Variants in INSR observed in about 807,000 individuals in gnomAD.
INSR encodes the protein insulin receptor.
A neutral mutation model predicts 142.6 loss-of-function variants in INSR; 67 were observed. The ratio of observed to expected loss-of-function variants is 0.47; its 90% CI spans 0.39 to 0.58. INSR has a LOEUF of 0.58. Among genes scored for constraint, INSR ranks in the 20% least tolerant of loss-of-function variants. The pLI, the probability that INSR is intolerant of heterozygous loss-of-function variation, is 0.00. For synonymous variants in INSR, 756 were observed against 743.1 expected, an observed-to-expected ratio of 1.02 and a Z score of -0.28; for missense variants, 1,248 against 1,833.2, an observed-to-expected ratio of 0.68 and a Z score of 5.83.
chr19:7,232,606 C>T (rs1446582133), intron 2 of INSR, among the ~76,000 whole-genome samples: 3 of 152,036 alleles, frequency 2.0e-5, no homozygotes, highest in Admixed American at 6.6e-5. Context: ...GTCAGGAGAT[C>T]GAGACCATCC....
intron 2 of INSR, among the ~76,000 whole-genome samples, chr19:7,243,332 G>T (rs183963884): frequency 7.8e-6 from 1 of 127,896 alleles, no homozygotes; most frequent in South Asian, 2.7e-4. Flanking sequence ...TGCAACCTCC[G>T]CTTCCTGGGT....
At chr19:7,117,757 C>T (rs1288572504) in intron 21 of INSR, among the ~76,000 whole-genome samples, 4 of 152,060 alleles carry the variant, frequency 2.6e-5, no homozygotes, top group African/African-American at 9.7e-5. Context: ...CAGGTGTGCA[C>T]CACCATGCCT....
rs141774182 is a variant in INSR at position 7,233,219 on chromosome 19, C to G, written c.652+34126G>C. Among the ~76,000 whole-genome samples, 352 of 152,194 alleles carry G rather than the reference C, an allele frequency of 2.3e-3. 2 individuals carry two copies. The highest frequency in any genetic ancestry group is 7.9e-3 in the African/African-American group (330 of 41,530). ...ATGTTGGCCAGGCTGGTCTTGGACT[C>G]CTGACCTCAGGTGATCCACCCACCT... On this transcript the variant is annotated intron_variant, in intron 2 of 21. Coordinates refer to ENST00000302850, the MANE Select transcript of INSR (RefSeq NM_000208.4).
intron 2 of INSR, among the ~76,000 whole-genome samples, chr19:7,219,469 A>AGG (rs1975531799): frequency 1.3e-5 from 1 of 76,250 alleles, no homozygotes; most frequent in African/African-American, 4.7e-5. Flanking sequence ...AGAGAGAGAG[A>AGG]GAAAAGGGAG....
At chr19:7,286,243 A>G (rs1360645669) in intron 1 of INSR, among the ~76,000 whole-genome samples, 1 of 152,064 alleles carries the variant, frequency 6.6e-6, no homozygotes, top group Non-Finnish European at 1.5e-5. Flanking sequence ...TCGGCCTCCC[A>G]AAGTGCTGGG....
chr19:7,277,824 G>A (rs1216482378), intron 1 of INSR, among the ~76,000 whole-genome samples: 2 of 151,018 alleles, frequency 1.3e-5, no homozygotes, highest in South Asian at 4.2e-4. Context: ...GGACACGGTG[G>A]CTCACGCCTG....
chr19:7,140,995 T>C (rs559781823), intron 13 of INSR, among the ~76,000 whole-genome samples: 1 of 152,212 alleles, frequency 6.6e-6, no homozygotes. Context: ...GCACCTTGCA[T>C]GGTGTCTGGC....
At chr19:7,276,444 G>A (rs1404935013) in intron 1 of INSR, among the ~76,000 whole-genome samples, 1 of 136,234 alleles carries the variant, frequency 7.3e-6, no homozygotes, top group Non-Finnish European at 1.6e-5. Context: ...AGCCCGGCCA[G>A]TAACAGCATT....
At chr19:7,241,694 G>A (rs56058728) in intron 2 of INSR, among the ~76,000 whole-genome samples, 23,532 of 152,048 alleles carry the variant, frequency 0.15, 2,032 homozygotes, top group Non-Finnish European at 0.19. Flanking sequence ...GGCAGTATCC[G>A]GAGACATTTT....
At chr19:7,244,190 G>A (rs550262765) in intron 2 of INSR, among the ~76,000 whole-genome samples, 77 of 152,160 alleles carry the variant, frequency 5.1e-4, no homozygotes, top group African/African-American at 1.7e-3. Context: ...AGGAACCATC[G>A]TCACAAAAAT....
chr19:7,116,936 C>T lies in INSR; in HGVS notation c.*120G>A, dbSNP rs1005610361. On this transcript the variant is annotated 3_prime_UTR_variant, in exon 22 of 22. Coordinates refer to ENST00000302850, the MANE Select transcript of INSR (RefSeq NM_000208.4). ...TAAGATGAACAGAAATGTATAGGAACGATCTCTGAACTCCATTGGACATGG... is the reference window on the plus strand; with the variant it reads ...TAAGATGAACAGAAATGTATAGGAATGATCTCTGAACTCCATTGGACATGG... 13 of 836,682 alleles carry T rather than the reference C, an allele frequency of 1.6e-5. No homozygotes were observed. The highest frequency in any genetic ancestry group is 5.3e-5 in the Admixed American group (3 of 56,366). The allele number at this position is 836,682 out of a possible 1,614,324, so 51.8% of individuals were successfully genotyped here. A position where few individuals can be genotyped will look rare whatever the true frequency, so the allele number is the denominator to read the frequency against.
At chr19:7,229,027 A>T (rs1188452670) in intron 2 of INSR, among the ~76,000 whole-genome samples, 1 of 141,786 alleles carries the variant, frequency 7.1e-6, no homozygotes, top group African/African-American at 2.8e-5. Context: ...GGGTGGATGG[A>T]TGGATGAATG....
At chr19:7,154,690 G>A (rs532770473) in intron 9 of INSR, among the ~76,000 whole-genome samples, 53 of 151,788 alleles carry the variant, frequency 3.5e-4, no homozygotes, top group African/African-American at 1.2e-3. Flanking sequence ...TTGGGAGGCC[G>A]AGGCGGGCAG....
rs1429614725 is a variant in INSR at position 7,119,380 on chromosome 19, A to G, written c.3794+69T>C. 6.9e-6 allele frequency: 11 copies of G among 1,590,872 alleles called. No individual in the cohort carries two copies. Among genetic ancestry groups the G allele is most frequent in the Non-Finnish European group, 8.6e-6 (10 of 1,159,374 alleles). On this transcript the variant is annotated intron_variant, in intron 21 of 21. Coordinates refer to ENST00000302850, the MANE Select transcript of INSR (RefSeq NM_000208.4). This position sits in a 1 kb window ranked among gnomAD's most constrained non-coding sequence, Gnocchi z 5.2. ...TGTAGACATAGGAAAGGCAAAACCA[A>G]GCACACGTGTAAAGGGCAATACCCT...
chr19:7,148,873 C>T (rs911579851), intron 11 of INSR, among the ~76,000 whole-genome samples: 2 of 151,016 alleles, frequency 1.3e-5, no homozygotes, highest in African/African-American at 2.4e-5. Flanking sequence ...TGGCTCACTG[C>T]AAGCTCCGCG....
At chr19:7,248,319 A>G (rs1037221733) in intron 2 of INSR, among the ~76,000 whole-genome samples, 2 of 144,612 alleles carry the variant, frequency 1.4e-5, no homozygotes, top group African/African-American at 5.4e-5. Context: ...CTAATTTTGC[A>G]AAAATATTTT....
At chr19:7,191,027 T>C (rs1298197806) in intron 2 of INSR, among the ~76,000 whole-genome samples, 1 of 152,120 alleles carries the variant, frequency 6.6e-6, no homozygotes, top group Non-Finnish European at 1.5e-5. Flanking sequence ...CTGGGAACGG[T>C]GGCTCACGCC....
At chr19:7,117,770 C>G (rs1289890892) in intron 21 of INSR, among the ~76,000 whole-genome samples, 4 of 151,958 alleles carry the variant, frequency 2.6e-5, no homozygotes, top group African/African-American at 4.8e-5. Flanking sequence ...CCATGCCTAG[C>G]TAATTTTTGT....
chr19:7,186,709 T>A (rs541211356), intron 2 of INSR, among the ~76,000 whole-genome samples: 7 of 152,186 alleles, frequency 4.6e-5, no homozygotes, highest in East Asian at 3.9e-4. Context: ...TCTTTTTTTT[T>A]ATTTTTATTT....
Sources: gnomAD v4.1 joint callset for allele counts (sites outside exome capture counted in the v4.1 genomes callset) on GRCh38, gnomAD v4.1.1 for gene constraint, Gnocchi (gnomAD v3.1) non-coding constraint, MANE v1.5 for transcripts, NCBI Gene and HGNC (gene_info 2026-07-23, HGNC 2026-07-21) for gene names.